Variants in SPOCK1 observed in about 807,000 individuals in gnomAD.
SPOCK1 encodes the protein testican-1.
In SPOCK1, 23 loss-of-function variants were observed where a neutral mutation model predicts 55.3. That is an observed-to-expected ratio of 0.42 (90% CI 0.30 to 0.59). The LOEUF is 0.59. Among genes scored for constraint, SPOCK1 ranks in the 20% least tolerant of loss-of-function variants. SPOCK1 has a pLI of 0.22. For missense variants in SPOCK1, 499 were observed against 552.5 expected (o/e 0.90, Z 0.97); for synonymous variants, 226 against 221.0 (o/e 1.02, Z -0.20).
chr5:137,054,940 T>C (rs1752273855), intron 6 of SPOCK1, among the ~76,000 whole-genome samples: 1 of 152,148 alleles, frequency 6.6e-6, no homozygotes, highest in Admixed American at 6.5e-5. Flanking sequence ...AGGTCCAAAA[T>C]GTAATAGAAT....
At chr5:137,488,095 G>A (rs1754097702) in intron 2 of SPOCK1, among the ~76,000 whole-genome samples, 2 of 152,090 alleles carry the variant, frequency 1.3e-5, no homozygotes. Flanking sequence ...ACCTGGATTG[G>A]GCTGAGCACA....
chr5:137,187,006 T>A (rs968142767), intron 3 of SPOCK1, among the ~76,000 whole-genome samples: 2 of 152,176 alleles, frequency 1.3e-5, no homozygotes, highest in Admixed American at 1.3e-4. Flanking sequence ...TATTGTGACA[T>A]TGCCCCATCC....
At chr5:137,161,890 T>C (rs920084964) in intron 3 of SPOCK1, among the ~76,000 whole-genome samples, 5 of 152,190 alleles carry the variant, frequency 3.3e-5, no homozygotes, top group African/African-American at 4.8e-5. Context: ...CCAATAGCTG[T>C]CATATTCTGG....
At chr5:137,040,514 T>C (rs976273165) in intron 6 of SPOCK1, among the ~76,000 whole-genome samples, 2 of 152,224 alleles carry the variant, frequency 1.3e-5, no homozygotes, top group Admixed American at 6.5e-5. Context: ...GGACAAATAC[T>C]GCCTGAGACG....
At chr5:137,210,451 G>C (rs991572264) in intron 3 of SPOCK1, among the ~76,000 whole-genome samples, 3 of 152,152 alleles carry the variant, frequency 2.0e-5, no homozygotes, top group Non-Finnish European at 4.4e-5. Flanking sequence ...ATGTGCACTT[G>C]TTTTTGAAAT....
intron 6 of SPOCK1, among the ~76,000 whole-genome samples, chr5:137,018,559 G>A (rs954861279): frequency 4.5e-4 from 69 of 152,236 alleles, no homozygotes; most frequent in African/African-American, 1.6e-3. Flanking sequence ...GTATGGATAT[G>A]TACATCCACA....
intron 7 of SPOCK1, 82 bp downstream of exon 7, chr5:136,992,402 G>A: frequency 9.2e-7 from 1 of 1,085,558 alleles, no homozygotes; most frequent in Non-Finnish European, 1.3e-6. Flanking sequence ...TGTAATGGGT[G>A]TTTTTCACCC....
At chr5:137,185,995 T>G (rs1434666) in intron 3 of SPOCK1, among the ~76,000 whole-genome samples, 33,996 of 152,132 alleles carry the variant, frequency 0.22, 4,468 homozygotes, top group East Asian at 0.36. Context: ...CGAAACAAAT[T>G]CCCTTTGAGA....
intron 6 of SPOCK1, among the ~76,000 whole-genome samples, chr5:137,035,212 G>A (rs1017129328): frequency 1.4e-4 from 21 of 152,236 alleles, no homozygotes; most frequent in African/African-American, 5.1e-4. Flanking sequence ...AGGAGGAGAG[G>A]GAGAAAGCAG....
intron 3 of SPOCK1, among the ~76,000 whole-genome samples, chr5:137,224,612 A>G (rs1464507570): frequency 6.6e-6 from 1 of 152,232 alleles, no homozygotes; most frequent in Non-Finnish European, 1.5e-5. Flanking sequence ...TAGCAAGCTG[A>G]AGTTCAGAAG....
intron 3 of SPOCK1, among the ~76,000 whole-genome samples, chr5:137,257,690 C>A (rs1004376503): frequency 6.6e-6 from 1 of 152,200 alleles, no homozygotes; most frequent in Non-Finnish European, 1.5e-5. Flanking sequence ...TTCTCCCCAC[C>A]AGATGCTCCC....
chr5:137,496,249 T>C (rs1754297209), intron 2 of SPOCK1, among the ~76,000 whole-genome samples: 1 of 152,192 alleles, frequency 6.6e-6, no homozygotes, highest in Non-Finnish European at 1.5e-5. Context: ...GCACTTCAGG[T>C]GAGCTTCATC....
intron 5 of SPOCK1, among the ~76,000 whole-genome samples, chr5:137,088,028 G>A (rs1335146299): frequency 2.0e-5 from 3 of 152,194 alleles, no homozygotes; most frequent in Non-Finnish European, 4.4e-5. Context: ...GTTGCAGTCT[G>A]TGCTTAGACA....
At chr5:136,986,190 T>C (rs2126960603) in intron 8 of SPOCK1, among the ~76,000 whole-genome samples, 1 of 152,250 alleles carries the variant, frequency 6.6e-6, no homozygotes, top group Middle Eastern at 3.4e-3. Context: ...ATCTGGATTA[T>C]AAAAGGTAGC....
intron 2 of SPOCK1, among the ~76,000 whole-genome samples, chr5:137,406,189 G>A (rs1017753886): frequency 6.6e-6 from 1 of 152,154 alleles, no homozygotes; most frequent in African/African-American, 2.4e-5. Flanking sequence ...ATCCAGACAG[G>A]GGCAGCCTCT....
intron 6 of SPOCK1, among the ~76,000 whole-genome samples, chr5:137,045,122 A>G (rs1348398378): frequency 6.6e-6 from 1 of 151,294 alleles, no homozygotes; most frequent in Non-Finnish European, 1.5e-5. Context: ...ATGTGTCTTT[A>G]TAGCAGCATG....
chr5:137,102,563 G>C lies in SPOCK1; in HGVS notation c.474+9872C>G, dbSNP rs75887650. Among the ~76,000 whole-genome samples, 66 of 152,188 alleles carry C rather than the reference G, an allele frequency of 4.3e-4. No individual in the cohort carries two copies. The East Asian group carries it at 9.1e-3, about 21-fold the overall frequency. The stretch of plus-strand genomic sequence containing the variant: ...CAGTAACTGTCCTTTTTTGGGTTGA[G>C]TCATGTTTCTGTCATTAAAATCAAA... On this transcript the variant is annotated intron_variant, in intron 5 of 10. Coordinates refer to ENST00000394945, the MANE Select transcript of SPOCK1 (RefSeq NM_004598.4).
At chr5:137,233,713 C>CTTTT (rs56328555) in intron 3 of SPOCK1, among the ~76,000 whole-genome samples, 29 of 58,404 alleles carry the variant, frequency 5.0e-4, no homozygotes, top group African/African-American at 1.4e-3. Context: ...AGGATATGCA[C>CTTTT]TTTTTTTTTT....
intron 4 of SPOCK1, among the ~76,000 whole-genome samples, chr5:137,139,116 CT>C (rs1754045353): frequency 6.6e-6 from 1 of 152,224 alleles, no homozygotes; most frequent in Non-Finnish European, 1.5e-5. Context: ...TGCAATCTAG[CT>C]TTACTACCAG....
Sources: gnomAD v4.1 joint callset for allele counts (sites outside exome capture counted in the v4.1 genomes callset) on GRCh38, gnomAD v4.1.1 for gene constraint, MANE v1.5 for transcripts, NCBI Gene and HGNC (gene_info 2026-07-23, HGNC 2026-07-21) for gene names.